The following RNF19B variants were observed in gnomAD, a reference collection of about 807,000 sequenced individuals.
The protein encoded by RNF19B is ring finger protein 19B, also known as E3 ubiquitin-protein ligase RNF19B.
Under a neutral mutation model 65.5 loss-of-function variants are expected in RNF19B, and 23 were observed. The ratio of observed to expected loss-of-function variants is 0.35; its 90% CI spans 0.25 to 0.50. RNF19B has a LOEUF of 0.50. RNF19B is among the 20% of genes least tolerant of loss of function. RNF19B has a pLI of 0.98. For synonymous variants in RNF19B, 372 were observed against 379.6 expected (o/e 0.98, Z 0.23); for missense variants, 794 against 980.0 (o/e 0.81, Z 2.53).
At chr1:32,945,829 G>A (rs1157897719) in intron 4 of RNF19B, among the ~76,000 whole-genome samples, 1 of 152,002 alleles carries the variant, frequency 6.6e-6, no homozygotes, top group Admixed American at 6.6e-5. Flanking sequence ...AATCCAAAAA[G>A]AGACAAAATA....
chr1:32,945,559 T>C lies in RNF19B; in HGVS notation c.1216A>G (p.Thr406Ala). 6.2e-7 allele frequency: 1 copy of C among 1,613,914 alleles called. No individual in the cohort carries two copies. The highest frequency in any genetic ancestry group is 8.5e-7 in the Non-Finnish European group (1 of 1,179,836). ...ACTGGGGATGCAATGACCGACAAAG[T>C]CACTCCTCCAGTGATAGCCAAATTC... is the stretch of plus-strand genomic sequence containing the variant. ...KRNLAITGGVTLSVIASPVIA... is the reference protein window; with the variant it reads ...KRNLAITGGVALSVIASPVIA... The change falls in exon 5 of 9, where the codon ACT becomes GCT. Residue 406 changes from threonine to alanine, a missense_variant. Coordinates refer to ENST00000235150, the MANE Select transcript of RNF19B (RefSeq NM_001300826.2).
chr1:32,932,326 T>C (rs2124091726), downstream of RNF19B, among the ~76,000 whole-genome samples: 1 of 152,322 alleles, frequency 6.6e-6, no homozygotes, highest in South Asian at 2.1e-4. Context: ...AAGCTACTGA[T>C]GGCTATTAGA....
chr1:32,934,019 A>G (rs1052212153), downstream of RNF19B, among the ~76,000 whole-genome samples: 1 of 152,182 alleles, frequency 6.6e-6, no homozygotes, highest in Non-Finnish European at 1.5e-5. Flanking sequence ...TTTTGAGTTG[A>G]TAATTTGCGT....
At position 32,959,976 on chromosome 1, in the gene RNF19B, G is replaced by A. The variant is rs561673453; in HGVS notation, c.635+4075C>T. Among the ~76,000 whole-genome samples the A allele has an allele frequency of 9.2e-5, 14 of 151,910 alleles. No individual in the cohort carries two copies. The East Asian group carries it at 2.1e-3, about 23-fold the overall frequency. On this transcript the variant is annotated intron_variant, in intron 1 of 8. Coordinates refer to ENST00000235150, the MANE Select transcript of RNF19B (RefSeq NM_001300826.2). ...TGAGGCAGGAGAATGGCGTGAACCC[G>A]GCAGGCAGAGCTTGCACTGAGCAGA...
downstream of RNF19B, among the ~76,000 whole-genome samples, chr1:32,934,983 C>CCGCT (rs1642073096): frequency 6.6e-6 from 1 of 151,572 alleles, no homozygotes; most frequent in East Asian, 2.0e-4. Context: ...AGGTGTGCGC[C>CCGCT]ACCACGCCCA....
At chr1:32,935,762 CT>C (rs60210761), downstream of RNF19B, among the ~76,000 whole-genome samples, 73 of 149,400 alleles carry the variant, frequency 4.9e-4, no homozygotes, top group African/African-American at 1.6e-3. Flanking sequence ...ACTGAGAACT[CT>C]TTTTTTTTTG....
intron 1 of RNF19B, among the ~76,000 whole-genome samples, chr1:32,962,244 T>C (rs953914705): frequency 3.3e-5 from 5 of 152,178 alleles, no homozygotes; most frequent in Admixed American, 2.0e-4. Flanking sequence ...GCTAGGACTA[T>C]AGGCGTGAGC....
chr1:32,932,236 A>T (rs1642036473), downstream of RNF19B, among the ~76,000 whole-genome samples: 1 of 152,228 alleles, frequency 6.6e-6, no homozygotes, highest in Admixed American at 6.5e-5. Flanking sequence ...ATGAGCAATT[A>T]GGAGGCCACT....
chr1:32,937,821 C>T (rs1306461118), intron 8 of RNF19B, among the ~76,000 whole-genome samples: 1 of 152,092 alleles, frequency 6.6e-6, no homozygotes, highest in Non-Finnish European at 1.5e-5. Context: ...TGTATCTCAG[C>T]CAATCTCTTT....
intron 8 of RNF19B, 94 bp downstream of exon 8, chr1:32,938,303 T>C (rs1386404043): frequency 1.5e-6 from 2 of 1,303,084 alleles, no homozygotes; most frequent in Non-Finnish European, 2.2e-6. Context: ...CAGGAGATGG[T>C]ACATACAGCC....
In RNF19B at chr1:32,949,730, G is replaced by A. The variant is rs776001052; in HGVS notation, c.680C>T (p.Thr227Ile). 1.2e-6 allele frequency: 2 copies of A among 1,613,856 alleles called. No homozygotes were observed. The highest frequency in any genetic ancestry group is 1.3e-5 in the African/African-American group (1 of 74,952). ...AGTCTGGCAACCTTCCCTCTCACAA[G>A]TTAGCTTCGGGCAGCTGGCACAGCC... Reference protein sequence around the residue: ...AYGCASCPKLTCEREGCQTEF... With the variant: ...AYGCASCPKLICEREGCQTEF... The change falls in exon 2 of 9, where the codon ACT (threonine) becomes ATT (isoleucine). Residue 227 changes from threonine to isoleucine, a missense_variant. By Grantham distance (89) the Thr-to-Ile change is moderately conservative. This residue lies in a region of RNF19B where 374 missense variants were observed against 423.8 expected (regional missense o/e 0.88). Coordinates refer to ENST00000235150, the MANE Select transcript of RNF19B (RefSeq NM_001300826.2).
intron 1 of RNF19B, among the ~76,000 whole-genome samples, chr1:32,958,675 C>G (rs1642699933): frequency 6.6e-6 from 1 of 151,696 alleles, no homozygotes; most frequent in Non-Finnish European, 1.5e-5. Context: ...GAGATTGCAC[C>G]ACTGCACTCC....
chr1:32,932,516 T>C (rs1642038944), downstream of RNF19B, among the ~76,000 whole-genome samples: 4 of 152,204 alleles, frequency 2.6e-5, no homozygotes, highest in South Asian at 8.3e-4. Context: ...ATGAAGTTTT[T>C]AGTTTTCCAG....
rs1160610793 is a variant in RNF19B, at chr1:32,964,666, G to A, written c.20C>T (p.Ser7Phe). The A allele has an allele frequency of 6.8e-7, 1 of 1,471,888 alleles. No homozygotes were observed. The allele number at this position is 1,471,888 out of a possible 1,614,324, so 91.2% of individuals were successfully genotyped here. A position where few individuals can be genotyped will look rare whatever the true frequency, so the allele number is the denominator to read the frequency against. The change falls in exon 1 of 9, where the codon TCC (serine) becomes TTC (phenylalanine). Residue 7 changes from serine to phenylalanine, a missense_variant. Ser to Phe is a radical substitution (Grantham distance 155). Around this residue, in one of 3 missense-constraint regions of RNF19B, gnomAD observed 374 missense variants for 423.8 expected, o/e 0.88. Coordinates refer to ENST00000235150, the MANE Select transcript of RNF19B (RefSeq NM_001300826.2). This position sits in a 1 kb window ranked among gnomAD's most constrained non-coding sequence, Gnocchi z 6.5. Reference protein sequence around the residue: MGSEKDSESPRSTSLHA... With the variant: MGSEKDFESPRSTSLHA... ...TAGCGATGTGGAGCGCGGCGACTCGGAGTCCTTCTCGGAGCCCATGGCCGG... is the reference window on the plus strand; with the variant it reads ...TAGCGATGTGGAGCGCGGCGACTCGAAGTCCTTCTCGGAGCCCATGGCCGG...
rs1000071009 is a variant in RNF19B, at chr1:32,963,837, G to A, written c.635+214C>T. Among the ~76,000 whole-genome samples, 3 of 152,144 alleles carry A rather than the reference G, an allele frequency of 2.0e-5. No individual in the cohort carries two copies. The East Asian group carries it at 5.8e-4, about 29-fold the overall frequency. On this transcript the variant is annotated intron_variant, in intron 1 of 8. Transcript: ENST00000235150. ...CTTGGACAGCTCCCTTCCCCTCACC[G>A]AATGCTTAGCAGCCACCTCGAGCCC...
chr1:32,952,962 AT>A (rs71278768), intron 1 of RNF19B, among the ~76,000 whole-genome samples: 6,372 of 119,966 alleles, frequency 0.053, 92 homozygotes, highest in South Asian at 0.11. Context: ...TAATCACACA[AT>A]TTTTTTTTTT....
intron 1 of RNF19B, 125 bp from the exon 2 acceptor site, chr1:32,949,899 T>A: frequency 1.5e-6 from 1 of 687,866 alleles, no homozygotes. Flanking sequence ...GAGAAAAGAA[T>A]ACACATACAC....
At chr1:32,957,992 A>C (rs1416286047) in intron 1 of RNF19B, among the ~76,000 whole-genome samples, 2 of 152,230 alleles carry the variant, frequency 1.3e-5, no homozygotes, top group Non-Finnish European at 2.9e-5. Flanking sequence ...GCCTAATTGA[A>C]AGACTTTGTA....
chr1:32,937,444 G>T, intron 8 of RNF19B, 185 bp from the exon 9 acceptor site: 1 of 948,686 alleles, frequency 1.1e-6, no homozygotes, highest in Non-Finnish European at 1.6e-6. Context: ...GGACGTGGTG[G>T]CTCATGCCTA....
Sources: gnomAD v4.1 joint callset for allele counts (sites outside exome capture counted in the v4.1 genomes callset) on GRCh38, gnomAD v4.1.1 for gene constraint, gnomAD v4.1.1 regional missense constraint, Gnocchi (gnomAD v3.1) non-coding constraint, MANE v1.5 for transcripts, NCBI Gene and HGNC (gene_info 2026-07-23, HGNC 2026-07-21) for gene names.